The following CLASP2 variants were observed in gnomAD, a reference collection of about 807,000 sequenced individuals.
CLASP2 encodes CLIP-associating protein 2.
CLASP2 carries 47 observed loss-of-function variants against 194.4 expected under a neutral mutation model. That is an observed-to-expected ratio of 0.24 (90% CI 0.19 to 0.31). CLASP2 has a LOEUF of 0.31. CLASP2 is among the 10% of genes least tolerant of loss of function. The pLI is 1.00. For synonymous variants in CLASP2, 619 were observed against 633.5 expected (o/e 0.98, Z 0.34); for missense variants, 1,445 against 1,823.6 (o/e 0.79, Z 3.78).
chr3:33,527,433 A>G lies in CLASP2; in HGVS notation c.3787+7800T>C, dbSNP rs796922002. Among the ~76,000 whole-genome samples, 35 of 152,310 alleles carry G rather than the reference A, an allele frequency of 2.3e-4. 1 individual carries two copies. Among genetic ancestry groups the G allele is most frequent in the African/African-American group, 7.7e-4 (32 of 41,560 alleles). On this transcript the variant is annotated intron_variant, in intron 34 of 38. Transcript: ENST00000682230. ...ATGCAGGAAGAAACTGATTCCCTGAACAGACTAATAACAAGCTCCAAAATT... is the reference window on the plus strand; with the variant it reads ...ATGCAGGAAGAAACTGATTCCCTGAGCAGACTAATAACAAGCTCCAAAATT...
chr3:33,561,997 ATATTT>A (rs1361451301), intron 27 of CLASP2, among the ~76,000 whole-genome samples: 3 of 152,182 alleles, frequency 2.0e-5, no homozygotes, highest in Non-Finnish European at 4.4e-5. Context: ...CTCTCAATGC[ATATTT>A]TATTTCTTGA....
chr3:33,648,652 G>C (rs544768031), intron 7 of CLASP2, among the ~76,000 whole-genome samples: 88 of 152,154 alleles, frequency 5.8e-4, no homozygotes, highest in African/African-American at 2.1e-3. Flanking sequence ...TAAAATTTTT[G>C]TTAAACATTT....
At chr3:33,549,598 A>G (rs2059672193) in intron 30 of CLASP2, among the ~76,000 whole-genome samples, 1 of 152,088 alleles carries the variant, frequency 6.6e-6, no homozygotes, top group Non-Finnish European at 1.5e-5. Flanking sequence ...TATTCATTCT[A>G]TCATTTTAAT....
chr3:33,678,847 C>CA (rs2089307033), intron 6 of CLASP2, among the ~76,000 whole-genome samples: 1 of 152,222 alleles, frequency 6.6e-6, no homozygotes, highest in Non-Finnish European at 1.5e-5. Flanking sequence ...TTCTTCCCAA[C>CA]TTGATCTATG....
At chr3:33,600,725 A>G (rs969219540) in intron 18 of CLASP2, among the ~76,000 whole-genome samples, 1 of 152,216 alleles carries the variant, frequency 6.6e-6, no homozygotes, top group African/African-American at 2.4e-5. Context: ...TTTGTTGAAA[A>G]TATGACTTGC....
In CLASP2 at chr3:33,514,902, G is replaced by A. The variant is rs555046052; in HGVS notation, c.4110+1121C>T. 5.3e-5 allele frequency among the ~76,000 whole-genome samples: 8 copies of A among 151,994 alleles called. No individual in the cohort carries two copies. The East Asian group carries it at 1.5e-3, about 29-fold the overall frequency. ...ATACTACTCAGCCATAGAAAGGAATGAAATAATGGCATCCACAGCAACCTG... is the reference window on the plus strand; with the variant it reads ...ATACTACTCAGCCATAGAAAGGAATAAAATAATGGCATCCACAGCAACCTG... On this transcript the variant is annotated intron_variant, in intron 36 of 38. Coordinates refer to ENST00000682230, the MANE Select transcript of CLASP2 (RefSeq NM_001365631.1).
At chr3:33,537,648 T>A (rs2057610431) in intron 33 of CLASP2, among the ~76,000 whole-genome samples, 1 of 152,218 alleles carries the variant, frequency 6.6e-6, no homozygotes, top group East Asian at 1.9e-4. Context: ...CATTCTTACT[T>A]AAGTGTAATG....
intron 31 of CLASP2, among the ~76,000 whole-genome samples, chr3:33,544,152 A>AAT (rs1044471412): frequency 4.6e-5 from 7 of 152,120 alleles, no homozygotes; most frequent in Non-Finnish European, 8.8e-5. Context: ...ACCAGTAAAA[A>AAT]ATATATATAT....
At chr3:33,574,549 T>C (rs963756024) in intron 24 of CLASP2, 1 of 1,145,440 alleles carries the variant, frequency 8.7e-7, no homozygotes, top group African/African-American at 1.5e-5. Context: ...AAGAACATTT[T>C]GCTAATCAGC....
At chr3:33,562,010 T>C (rs1168125031) in intron 27 of CLASP2, among the ~76,000 whole-genome samples, 1 of 152,214 alleles carries the variant, frequency 6.6e-6, no homozygotes, top group African/African-American at 2.4e-5. Context: ...TTTTATTTCT[T>C]GAATTCCCTT....
At chr3:33,602,620 A>C (rs2072585902) in intron 18 of CLASP2, 1 of 745,222 alleles carries the variant, frequency 1.3e-6, no homozygotes, top group Non-Finnish European at 2.5e-6. Flanking sequence ...AGGAGAAAGA[A>C]AACAGGAAAG....
intron 34 of CLASP2, among the ~76,000 whole-genome samples, chr3:33,521,884 C>T (rs970790879): frequency 1.4e-5 from 2 of 140,210 alleles, no homozygotes; most frequent in Non-Finnish European, 3.1e-5. Context: ...CCCACTCCCC[C>T]CTCCACCAGC....
At chr3:33,595,814 T>C (rs1324723203) in intron 19 of CLASP2, among the ~76,000 whole-genome samples, 1 of 152,066 alleles carries the variant, frequency 6.6e-6, no homozygotes, top group East Asian at 1.9e-4. Flanking sequence ...CTTGATGGGC[T>C]ATCATTTCAT....
intron 32 of CLASP2, among the ~76,000 whole-genome samples, chr3:33,540,156 C>T (rs1473111988): frequency 1.3e-5 from 2 of 151,724 alleles, no homozygotes; most frequent in Non-Finnish European, 2.9e-5. Context: ...TCTCGAACTC[C>T]TGACCTCAGG....
intron 7 of CLASP2, among the ~76,000 whole-genome samples, chr3:33,645,831 C>A (rs2082174156): frequency 6.6e-6 from 1 of 151,772 alleles, no homozygotes; most frequent in African/African-American, 2.4e-5. Context: ...CCAAACAAAA[C>A]AATTTGTTTT....
intron 30 of CLASP2, 21 bp from the exon 31 acceptor site, chr3:33,544,862 G>A: frequency 6.4e-7 from 1 of 1,558,052 alleles, no homozygotes; most frequent in South Asian, 1.2e-5. Context: ...AAGGCATACA[G>A]TAGATGAATA....
intron 6 of CLASP2, among the ~76,000 whole-genome samples, chr3:33,671,090 GA>G (rs35485300): frequency 6.6e-6 from 1 of 151,230 alleles, no homozygotes; most frequent in East Asian, 1.9e-4. Flanking sequence ...CCTTCCACCT[GA>G]AAAAAAAGGG....
chr3:33,605,097 A>G (rs1337175697), intron 16 of CLASP2, among the ~76,000 whole-genome samples: 1 of 152,208 alleles, frequency 6.6e-6, no homozygotes, highest in Non-Finnish European at 1.5e-5. Flanking sequence ...CATTAGAGCA[A>G]TATAAAATAT....
chr3:33,632,350 G>A lies in CLASP2; in HGVS notation c.884C>T (p.Ala295Val), dbSNP rs1405620358. Residue 295 changes from alanine (A) to valine (V), a missense_variant, in exon 9 of 39, where the codon GCT becomes GTT. Around this residue, in one of 4 missense-constraint regions of CLASP2, gnomAD observed 207 missense variants for 331.4 expected, o/e 0.62. Transcript: ENST00000682230. ...AAAATCATCTTCATCAACTGCTCCA[G>A]CACCTCCTTCCTTAGAAGCACCTGC... ...KVGGASKEGG[A>V]GAVDEDDFIK... 1 of 1,602,666 alleles carries A rather than the reference G, an allele frequency of 6.2e-7. No individual in the cohort carries two copies. The highest frequency in any genetic ancestry group is 1.1e-5 in the South Asian group (1 of 87,996).
Sources: allele counts gnomAD v4.1 joint callset (sites outside exome capture counted in the v4.1 genomes callset), GRCh38; gene constraint gnomAD v4.1.1; regional missense constraint gnomAD v4.1.1; transcripts MANE v1.5; gene names NCBI Gene and HGNC (gene_info 2026-07-23, HGNC 2026-07-21).